MIPOL1: variants seen among roughly 807,000 people sequenced by gnomAD.
MIPOL1 encodes the protein mirror-image polydactyly gene 1 protein.
MIPOL1 carries 57 observed loss-of-function variants against 60.9 expected under a neutral mutation model. That is an observed-to-expected ratio of 0.94 (90% CI 0.76 to 1.17). The LOEUF (loss-of-function observed/expected upper bound fraction) is 1.17, where lower values mean the gene tolerates loss of function less well. Ranked by LOEUF, MIPOL1 falls within the 50% of genes most tolerant of loss-of-function variation. The pLI is 0.00. For missense variants in MIPOL1, 551 were observed against 511.6 expected (o/e 1.08, Z -0.74); for synonymous variants, 179 against 168.8 (o/e 1.06, Z -0.47).
At chr14:37,481,426 A>T (rs2094862453) in intron 11 of MIPOL1, among the ~76,000 whole-genome samples, 1 of 152,142 alleles carries the variant, frequency 6.6e-6, no homozygotes, top group Non-Finnish European at 1.5e-5. Context: ...TAGAAGAGTT[A>T]ATACTGTTAA....
intron 9 of MIPOL1, among the ~76,000 whole-genome samples, chr14:37,355,692 A>T (rs1325214199): frequency 7.7e-6 from 1 of 129,730 alleles, no homozygotes; most frequent in African/African-American, 2.8e-5. Context: ...CTTCCAGTTG[A>T]TCGCATCGGC....
At chr14:37,234,942 A>ATTTTTTTTTTTTT (rs5807941) in intron 1 of MIPOL1, among the ~76,000 whole-genome samples, 25 of 116,822 alleles carry the variant, frequency 2.1e-4, no homozygotes, top group East Asian at 7.7e-4. Context: ...CGTACGGCTA[A>ATTTTTTTTTTTTT]TTTTTTTTTT....
chr14:37,434,161 C>G (rs2153561026), intron 11 of MIPOL1, among the ~76,000 whole-genome samples: 1 of 152,256 alleles, frequency 6.6e-6, no homozygotes, highest in East Asian at 1.9e-4. Context: ...AGTGTAAAAG[C>G]ATTCCTATGT....
intron 9 of MIPOL1, among the ~76,000 whole-genome samples, chr14:37,342,595 A>G (rs1186603154): frequency 6.6e-6 from 1 of 151,820 alleles, no homozygotes; most frequent in South Asian, 2.1e-4. Context: ...ACAGGGTTTC[A>G]CCATGTTGGT....
intron 7 of MIPOL1, among the ~76,000 whole-genome samples, chr14:37,296,848 G>A (rs1229046074): frequency 6.6e-6 from 1 of 152,096 alleles, no homozygotes; most frequent in African/African-American, 2.4e-5. Flanking sequence ...AGGACCAGAT[G>A]GATTCACAGC....
chr14:37,545,218 A>C (rs566011324), intron 12 of MIPOL1, among the ~76,000 whole-genome samples: 38 of 152,324 alleles, frequency 2.5e-4, no homozygotes, highest in African/African-American at 7.9e-4. Context: ...TTTAATGGTT[A>C]TTTCAAGTTA....
At chr14:37,325,102 A>T (rs891513309) in intron 9 of MIPOL1, among the ~76,000 whole-genome samples, 12 of 152,116 alleles carry the variant, frequency 7.9e-5, no homozygotes, top group African/African-American at 2.9e-4. Context: ...ATTGTGTTGA[A>T]TCTATAGATC....
chr14:37,482,741 T>G (rs913867373), intron 11 of MIPOL1, among the ~76,000 whole-genome samples: 3 of 152,132 alleles, frequency 2.0e-5, no homozygotes, highest in Non-Finnish European at 4.4e-5. Context: ...GAGATTTGGG[T>G]GGGGACACAA....
intron 11 of MIPOL1, among the ~76,000 whole-genome samples, chr14:37,491,485 T>C (rs1346186923): frequency 6.6e-6 from 1 of 152,136 alleles, no homozygotes; most frequent in Non-Finnish European, 1.5e-5. Context: ...GCTGAGATCA[T>C]GCCACTGCAC....
chr14:37,293,629 T>G (rs1431071626), intron 7 of MIPOL1, among the ~76,000 whole-genome samples: 2 of 152,112 alleles, frequency 1.3e-5, no homozygotes, highest in African/African-American at 4.8e-5. Flanking sequence ...GCTTTTCCAA[T>G]GGGCTTATCA....
intron 2 of MIPOL1, 109 bp from the exon 3 acceptor site, chr14:37,247,720 T>C: frequency 1.7e-6 from 1 of 575,476 alleles, no homozygotes. Context: ...ATTGTAAATG[T>C]TTTAGAAAAC....
chr14:37,456,588 G>T (rs2094478657), intron 11 of MIPOL1, among the ~76,000 whole-genome samples: 3 of 151,908 alleles, frequency 2.0e-5, no homozygotes, highest in African/African-American at 7.3e-5. Context: ...AATTATAAGG[G>T]CAATAAACAT....
At chr14:37,464,711 T>C (rs1373309911) in intron 11 of MIPOL1, among the ~76,000 whole-genome samples, 1 of 152,182 alleles carries the variant, frequency 6.6e-6, no homozygotes, top group East Asian at 1.9e-4. Flanking sequence ...GTAACAGAAC[T>C]ACCCATGTAT....
intron 1 of MIPOL1, among the ~76,000 whole-genome samples, chr14:37,218,924 CAAAAA>C (rs150658949): frequency 2.8e-5 from 3 of 106,710 alleles, no homozygotes; most frequent in Admixed American, 9.9e-5. Flanking sequence ...GACCCTATTT[CAAAAA>C]AAAAAAAAAA....
At chr14:37,369,269 AC>A (rs975622660) in intron 9 of MIPOL1, among the ~76,000 whole-genome samples, 59 of 152,164 alleles carry the variant, frequency 3.9e-4, no homozygotes, top group Admixed American at 6.5e-4. Flanking sequence ...ATTTTATAAA[AC>A]TATTTTTGTG....
chr14:37,283,306 A>G (rs866955037), intron 6 of MIPOL1, among the ~76,000 whole-genome samples: 1 of 152,012 alleles, frequency 6.6e-6, no homozygotes, highest in South Asian at 2.1e-4. Context: ...ACCTCAGGTG[A>G]TCCACCTGCC....
chr14:37,302,550 G>GT (rs1396877068), intron 7 of MIPOL1, among the ~76,000 whole-genome samples: 2 of 147,384 alleles, frequency 1.4e-5, no homozygotes, highest in African/African-American at 2.5e-5. Context: ...TTGATGTCTT[G>GT]TTTTTTTGAG....
chr14:37,218,461 C>T lies in MIPOL1; in HGVS notation c.-199+20357C>T, dbSNP rs1449687607. 2.0e-5 allele frequency among the ~76,000 whole-genome samples: 3 copies of T among 152,048 alleles called. No individual in the cohort carries two copies. In the South Asian group the frequency reaches 6.2e-4, roughly 32 times the overall value. On this transcript the variant is annotated intron_variant, in intron 1 of 12. Coordinates refer to ENST00000684589, the MANE Select transcript of MIPOL1 (RefSeq NM_001388067.1). Reference sequence around the variant, plus strand: ...TCTTGGCCTCCCAAAGTGCTGGGATCACAGACGTGAGCCACTGCGCCTGGC... The same window carrying T: ...TCTTGGCCTCCCAAAGTGCTGGGATTACAGACGTGAGCCACTGCGCCTGGC...
chr14:37,327,900 G>A lies in MIPOL1; in HGVS notation c.828+19381G>A, dbSNP rs140432372. Among the ~76,000 whole-genome samples the A allele has an allele frequency of 2.4e-4, 37 of 152,288 alleles. No homozygotes were observed. The East Asian group carries it at 5.6e-3, about 23-fold the overall frequency. Reference sequence around the variant, plus strand: ...GACCTAAGAGCAAGATACAGTACTCGTGGACATTGTTTGAAGGTAAATTTC... The same window carrying A: ...GACCTAAGAGCAAGATACAGTACTCATGGACATTGTTTGAAGGTAAATTTC... On this transcript the variant is annotated intron_variant, in intron 9 of 12. Transcript: ENST00000684589.
Sources: allele counts gnomAD v4.1 joint callset (sites outside exome capture counted in the v4.1 genomes callset), GRCh38; gene constraint gnomAD v4.1.1; transcripts MANE v1.5; gene names NCBI Gene and HGNC (gene_info 2026-07-23, HGNC 2026-07-21).